ADPRHL1: variants seen among roughly 807,000 people sequenced by gnomAD.
ADPRHL1 encodes the protein ADP-ribosylhydrolase like 1.
A neutral mutation model predicts 44.1 loss-of-function variants in ADPRHL1; 43 were observed. The observed-to-expected ratio is 0.98, with a 90% CI of 0.76 to 1.26. The LOEUF (loss-of-function observed/expected upper bound fraction) is 1.26, where lower values mean the gene tolerates loss of function less well. ADPRHL1 is among the 50% of genes most tolerant of loss of function. The probability of loss-of-function intolerance (pLI) is 0.00; values close to 1 mark genes in which losing one functional copy is unlikely to be tolerated. For synonymous variants in ADPRHL1, 878 were observed against 1,017.4 expected, an observed-to-expected ratio of 0.86 and a Z score of 2.61; for missense variants, 2,022 against 2,496.9, an observed-to-expected ratio of 0.81 and a Z score of 4.05.
chr13:113,442,495 T>C lies in ADPRHL1; in HGVS notation c.379+1930A>G, dbSNP rs530040935. On this transcript the variant is annotated intron_variant, in intron 2 of 7. Coordinates refer to ENST00000612156, the MANE Select transcript of ADPRHL1 (RefSeq NM_001394807.1). ...AAGAATGCTAGGTTGAAGTGTTGTA[T>C]TTTTTTCAGTAGCTTAATGATGTGG... Among the ~76,000 whole-genome samples the C allele has an allele frequency of 3.3e-5, 5 of 152,278 alleles. 1 individual carries two copies. In the South Asian group the frequency reaches 6.2e-4, roughly 19 times the overall value.
Position 113,409,442 on chromosome 13 carries a change from T to C in ADPRHL1, c.1062-1222A>G. 1.0e-6 allele frequency: 1 copy of C among 985,358 alleles called. No individual in the cohort carries two copies. The highest frequency in any genetic ancestry group is 1.2e-6 in the Non-Finnish European group (1 of 829,920). 61.0% of individuals were successfully genotyped at this position (985,358 alleles called of 1,614,324 possible). On this transcript the variant is annotated intron_variant, in intron 7 of 7. Transcript: ENST00000612156. The surrounding 1 kb of genome is among the most constrained non-coding windows in gnomAD (Gnocchi z 4.2). ...GAAAAGTCGCCTTCATGGTGCCGTT[T>C]ATAATGTTGAAAAATCTAGAGCATC...
Position 113,400,328 on chromosome 13 carries a change from T to A in ADPRHL1, c.*3050A>T, listed in dbSNP as rs542552727. ...GCCCGGCTAATTTTTGTATTTTTAG[T>A]AGAGACAGGGTTTCACTGTGTTAGC... On this transcript the variant is annotated 3_prime_UTR_variant, in exon 8 of 8. Coordinates refer to ENST00000612156, the MANE Select transcript of ADPRHL1 (RefSeq NM_001394807.1). 3 of 151,762 alleles carry A rather than the reference T, an allele frequency of 2.0e-5. No homozygotes were observed. Among genetic ancestry groups the A allele is most frequent in the African/African-American group, 7.2e-5 (3 of 41,428 alleles). 9.4% of individuals were successfully genotyped at this position (151,762 alleles called of 1,614,324 possible).
At chr13:113,430,196 A>G (rs7989319) in intron 3 of ADPRHL1, among the ~76,000 whole-genome samples, 42,477 of 152,164 alleles carry the variant, frequency 0.28, 6,137 homozygotes, top group Middle Eastern at 0.42. Flanking sequence ...TGTGCAAGCC[A>G]TCAGAGAGGA....
At position 113,441,593 on chromosome 13, in the gene ADPRHL1, G is replaced by A. The variant is rs557194175; in HGVS notation, c.379+2832C>T. ...CTACTTATATTTTATAAACCATACC[G>A]TTCATTATTATTTTTAAGTCAATTA... On this transcript the variant is annotated intron_variant, in intron 2 of 7. Transcript: ENST00000612156. This position sits in a 1 kb window ranked among gnomAD's most constrained non-coding sequence, Gnocchi z 6.0. Among the ~76,000 whole-genome samples the A allele has an allele frequency of 4.3e-4, 66 of 152,118 alleles. No individual in the cohort carries two copies. Among genetic ancestry groups the A allele is most frequent in the South Asian group, 1.2e-3 (6 of 4,814 alleles).
rs77389426 is a variant in ADPRHL1 at position 113,437,597 on chromosome 13, T to C, written c.380-3730A>G. 3.6e-3 allele frequency among the ~76,000 whole-genome samples: 542 copies of C among 152,382 alleles called. 8 individuals carry two copies. The highest frequency in any genetic ancestry group is 0.013 in the African/African-American group (520 of 41,590). On this transcript the variant is annotated intron_variant, in intron 2 of 7. Coordinates refer to ENST00000612156, the MANE Select transcript of ADPRHL1 (RefSeq NM_001394807.1). ...TCCGCCTGGCTTTTGTCACTCCTTA[T>C]AACTGCTCTGAGAAGCGCCCACGTT... is the stretch of plus-strand genomic sequence containing the variant.
At chr13:113,449,315 G>C (rs953218332) in intron 1 of ADPRHL1, 1 of 644,764 alleles carries the variant, frequency 1.6e-6, no homozygotes, top group Admixed American at 6.6e-5. Flanking sequence ...GTGAGCCCCG[G>C]TCAGAGAGGC....
chr13:113,406,050 A>G lies in ADPRHL1; in HGVS notation c.3232T>C (p.Ser1078Pro). The change falls in exon 8 of 8, where the codon TCT becomes CCT. Residue 1078 changes from serine to proline, a missense_variant. Transcript: ENST00000612156. ...TCCTCGGCAGCCTTCAGGGGCTGAG[A>G]AGACTCTATTAGCAGCGGCCTTCTG... ...ECRRPLLIESSQPLKAAEEIT... is the reference protein window; with the variant it reads ...ECRRPLLIESPQPLKAAEEIT... 1 of 1,232,158 alleles carries G rather than the reference A, an allele frequency of 8.1e-7. No homozygotes were observed. The highest frequency in any genetic ancestry group is 1.0e-6 in the Non-Finnish European group (1 of 988,034). The allele number at this position is 1,232,158 out of a possible 1,614,324, so 76.3% of individuals were successfully genotyped here. A position where few individuals can be genotyped will look rare whatever the true frequency, so the allele number is the denominator to read the frequency against.
intron 4 of ADPRHL1, among the ~76,000 whole-genome samples, chr13:113,428,686 GC>G (rs2043984271): frequency 6.6e-6 from 1 of 152,238 alleles, no homozygotes; most frequent in African/African-American, 2.4e-5. Context: ...GGGTGGACCC[GC>G]CGGAGGCAAA....
rs2043805902 is a variant in ADPRHL1 at position 113,406,053 on chromosome 13, A to T, written c.3229T>A (p.Ser1077Thr). The T allele has an allele frequency of 3.2e-6, 4 of 1,231,852 alleles. No individual in the cohort carries two copies. The Admixed American group carries it at 1.3e-4, about 39-fold the overall frequency. The allele number at this position is 1,231,852 out of a possible 1,614,324, so 76.3% of individuals were successfully genotyped here. The change falls in exon 8 of 8, where the codon TCT becomes ACT. Residue 1077 changes from serine to threonine, a missense_variant. Ser to Thr is a moderately conservative substitution (Grantham distance 58). Transcript: ENST00000612156. Reference sequence around the variant, plus strand: ...TCGGCAGCCTTCAGGGGCTGAGAAGACTCTATTAGCAGCGGCCTTCTGCAT... The same window carrying T: ...TCGGCAGCCTTCAGGGGCTGAGAAGTCTCTATTAGCAGCGGCCTTCTGCAT... ...EECRRPLLIESSQPLKAAEEI... is the reference protein window; with the variant it reads ...EECRRPLLIETSQPLKAAEEI...
chr13:113,404,713 C>T lies in ADPRHL1; in HGVS notation c.4569G>A (p.Gln1523=), dbSNP rs1490965755. 1 of 1,275,662 alleles carries T rather than the reference C, an allele frequency of 7.8e-7. No individual in the cohort carries two copies. The highest frequency in any genetic ancestry group is 9.8e-7 in the Non-Finnish European group (1 of 1,017,412). 79.0% of individuals were successfully genotyped at this position (1,275,662 alleles called of 1,614,324 possible). Reference sequence around the variant, plus strand: ...TGTGTCCCTGGGTCCCACCCTGAGCCTGTTCCTGTGCCTGCCCCTGGGCCT... The same window carrying T: ...TGTGTCCCTGGGTCCCACCCTGAGCTTGTTCCTGTGCCTGCCCCTGGGCCT... ...QIEAQGQAQE[Q]AQGGTQGHSQ... Residue 1523 remains glutamine (Q), a synonymous_variant, in exon 8 of 8, where the codon CAG becomes CAA. Transcript: ENST00000612156.
intron 2 of ADPRHL1, among the ~76,000 whole-genome samples, chr13:113,436,201 C>T (rs199654572): frequency 0.052 from 5,082 of 96,902 alleles, no homozygotes; most frequent in Non-Finnish European, 0.061. Context: ...AGCATCCACA[C>T]GTAGAGTGAA....
At chr13:113,419,737 C>T (rs575518338) in intron 7 of ADPRHL1, among the ~76,000 whole-genome samples, 1 of 152,172 alleles carries the variant, frequency 6.6e-6, no homozygotes. Context: ...GTTAAAAAGG[C>T]GCAGATTGGT....
At chr13:113,428,495 C>T (rs544814965) in intron 4 of ADPRHL1, among the ~76,000 whole-genome samples, 1 of 152,354 alleles carries the variant, frequency 6.6e-6, no homozygotes, top group Admixed American at 6.5e-5. Flanking sequence ...TCACGGATTT[C>T]CTAGTCCCAT....
chr13:113,423,018 G>A (rs1220251605), intron 6 of ADPRHL1, 39 bp from the exon 7 acceptor site: 1 of 1,610,898 alleles, frequency 6.2e-7, no homozygotes, highest in Non-Finnish European at 8.5e-7. Context: ...GGCTCCACCT[G>A]ACCAGGGCCT....
At chr13:113,446,950 T>TACATG (rs2044143435) in intron 1 of ADPRHL1, among the ~76,000 whole-genome samples, 1 of 103,730 alleles carries the variant, frequency 9.6e-6, no homozygotes, top group African/African-American at 5.0e-5. Flanking sequence ...GTGTCTACAC[T>TACATG]CACGGTGTTG....
At chr13:113,423,576 T>C (rs1300846798) in intron 6 of ADPRHL1, among the ~76,000 whole-genome samples, 1 of 152,188 alleles carries the variant, frequency 6.6e-6, no homozygotes, top group East Asian at 1.9e-4. Flanking sequence ...AGGGAGGCAA[T>C]TTCAGCCAGT....
intron 1 of ADPRHL1, among the ~76,000 whole-genome samples, chr13:113,449,558 G>C (rs570028197): frequency 2.6e-5 from 4 of 152,014 alleles, no homozygotes; most frequent in Admixed American, 6.5e-5. Flanking sequence ...CGTTCAGAGA[G>C]ACACACCCGG....
intron 7 of ADPRHL1, among the ~76,000 whole-genome samples, chr13:113,411,963 G>A (rs545985029): frequency 1.3e-4 from 20 of 152,292 alleles, no homozygotes; most frequent in Admixed American, 2.0e-4. Context: ...CCACTATTGC[G>A]CTCACCCTCT....
At chr13:113,445,997 C>G (rs76314716) in intron 1 of ADPRHL1, among the ~76,000 whole-genome samples, 1 of 140,642 alleles carries the variant, frequency 7.1e-6, no homozygotes, top group Non-Finnish European at 1.5e-5. Flanking sequence ...AGGCTGCACA[C>G]CCCCCAGAGA....
Sources: gnomAD v4.1 joint callset for allele counts (sites outside exome capture counted in the v4.1 genomes callset) on GRCh38, gnomAD v4.1.1 for gene constraint, Gnocchi (gnomAD v3.1) non-coding constraint, MANE v1.5 for transcripts, NCBI Gene and HGNC (gene_info 2026-07-23, HGNC 2026-07-21) for gene names.